Variants in MTRFR observed in about 807,000 individuals in gnomAD.
MTRFR encodes probable peptide chain release factor C12orf65, mitochondrial.
MTRFR carries 10 observed loss-of-function variants against 11.9 expected under a neutral mutation model. The observed-to-expected ratio is 0.84, with a 90% CI of 0.52 to 1.42. MTRFR has a LOEUF of 1.42. Among genes scored for constraint, MTRFR ranks in the 40% most tolerant of loss-of-function variants. The probability of loss-of-function intolerance (pLI) is 0.00; values close to 1 mark genes in which losing one functional copy is unlikely to be tolerated. For missense variants in MTRFR, 196 were observed against 197.9 expected (o/e 0.99, Z 0.06); for synonymous variants, 77 against 79.1 (o/e 0.97, Z 0.14).
intron 1 of MTRFR, among the ~76,000 whole-genome samples, chr12:123,246,709 ATTTTTTTTTTTTTTTTTTT>A (rs1157677577): frequency 9.3e-5 from 5 of 53,516 alleles, no homozygotes; most frequent in South Asian, 8.4e-4. Flanking sequence ...TATAATTTCA[ATTTTTTTTTTTTTTTTTTT>A]TTTTTTTTTT....
intron 1 of MTRFR, among the ~76,000 whole-genome samples, chr12:123,241,164 T>G (rs530695841): frequency 5.4e-4 from 82 of 151,824 alleles, no homozygotes; most frequent in African/African-American, 1.8e-3. Context: ...TTTTGTTTTT[T>G]TTTTAATAAA....
At chr12:123,255,719 G>A (rs950422351) in intron 2 of MTRFR, among the ~76,000 whole-genome samples, 1 of 152,156 alleles carries the variant, frequency 6.6e-6, no homozygotes, top group Admixed American at 6.6e-5. Context: ...CCGCCTCCTG[G>A]GTTCAAGCAA....
At chr12:123,244,433 A>G (rs1303255761) in intron 1 of MTRFR, among the ~76,000 whole-genome samples, 3 of 119,656 alleles carry the variant, frequency 2.5e-5, no homozygotes, top group South Asian at 3.0e-4. Context: ...ACTCCATCTC[A>G]AAACAAAAAA....
chr12:123,235,981 T>A (rs2047844460), intron 1 of MTRFR, among the ~76,000 whole-genome samples: 1 of 151,928 alleles, frequency 6.6e-6, no homozygotes, highest in African/African-American at 2.4e-5. Flanking sequence ...GGAGAATCGC[T>A]GGAACCCGGG....
chr12:123,253,848 T>C lies in MTRFR; in HGVS notation c.174T>C (p.Asn58=). 6.2e-7 allele frequency: 1 copy of C among 1,614,152 alleles called. No individual in the cohort carries two copies. Among genetic ancestry groups the C allele is most frequent in the Non-Finnish European group, 8.5e-7 (1 of 1,180,028 alleles). ...DYPALLSLDE[N]ELEEQFVKGH... ...CTGCACTGCTTTCCTTGGATGAGAATGAACTCGAAGAGCAGTTTGTGAAAG... is the reference window on the plus strand; with the variant it reads ...CTGCACTGCTTTCCTTGGATGAGAACGAACTCGAAGAGCAGTTTGTGAAAG... Residue 58 remains asparagine (N), a synonymous_variant, in exon 2 of 3, where the codon AAT becomes AAC. Transcript: ENST00000253233.
intron 1 of MTRFR, 147 bp from the exon 2 acceptor site, chr12:123,253,500 A>G (rs1428823413): frequency 4.1e-6 from 3 of 740,088 alleles, no homozygotes; most frequent in East Asian, 5.4e-5. Context: ...CTTGCTGAAT[A>G]ATGTGTCTCT....
At chr12:123,247,802 G>A (rs192217585) in intron 1 of MTRFR, among the ~76,000 whole-genome samples, 31 of 152,170 alleles carry the variant, frequency 2.0e-4, no homozygotes, top group South Asian at 8.3e-4. Flanking sequence ...AAAATTAGCC[G>A]GGCGTGGTAG....
intron 2 of MTRFR, 113 bp from the exon 3 acceptor site, chr12:123,256,696 CAATA>C (rs1012635242): frequency 6.2e-5 from 53 of 848,096 alleles, no homozygotes; most frequent in Middle Eastern, 3.3e-4. Context: ...AACTCTGTCT[CAATA>C]AATAAATAAA....
intron 1 of MTRFR, chr12:123,251,620 G>T (rs908513654): frequency 2.0e-5 from 3 of 152,714 alleles, no homozygotes; most frequent in African/African-American, 7.2e-5. Flanking sequence ...CCAGTGGGGG[G>T]GTGTGTGTTC....
intron 1 of MTRFR, chr12:123,248,129 C>T (rs2048067543): frequency 6.6e-6 from 1 of 152,150 alleles, no homozygotes; most frequent in Admixed American, 6.6e-5. Context: ...AGATTTAGAG[C>T]TCCTTTTAGC....
At chr12:123,245,950 A>C (rs2138772728) in intron 1 of MTRFR, among the ~76,000 whole-genome samples, 1 of 152,264 alleles carries the variant, frequency 6.6e-6, no homozygotes, top group South Asian at 2.1e-4. Flanking sequence ...GTTGAAGAGA[A>C]GTGGTGAGAG....
chr12:123,247,613 G>C (rs1008466710), intron 1 of MTRFR, among the ~76,000 whole-genome samples: 5 of 152,180 alleles, frequency 3.3e-5, no homozygotes, highest in African/African-American at 1.2e-4. Flanking sequence ...TATCTTTTAA[G>C]TGGAGCATTT....
chr12:123,243,235 A>ATT (rs35389455), intron 1 of MTRFR, among the ~76,000 whole-genome samples: 24,157 of 147,894 alleles, frequency 0.16, 2,221 homozygotes, highest in Middle Eastern at 0.27. Context: ...TTTTAAAACA[A>ATT]TTTTTTTTTT....
At chr12:123,242,405 T>C (rs2047954400) in intron 1 of MTRFR, among the ~76,000 whole-genome samples, 1 of 152,238 alleles carries the variant, frequency 6.6e-6, no homozygotes, top group Non-Finnish European at 1.5e-5. Flanking sequence ...CAATGAGCTA[T>C]AATTTGAGCT....
intron 1 of MTRFR, among the ~76,000 whole-genome samples, chr12:123,238,952 T>C (rs997270269): frequency 3.3e-5 from 5 of 152,096 alleles, no homozygotes; most frequent in African/African-American, 1.2e-4. Flanking sequence ...GCCTTCATAT[T>C]TAGGGGGAAA....
chr12:123,252,830 C>T (rs964951093), intron 1 of MTRFR, among the ~76,000 whole-genome samples: 1 of 151,722 alleles, frequency 6.6e-6, no homozygotes, highest in African/African-American at 2.4e-5. Context: ...GAGGCTGAGG[C>T]AGGAGAATCA....
chr12:123,254,139 C>T (rs2048153928), intron 2 of MTRFR, 183 bp downstream of exon 2: 1 of 670,178 alleles, frequency 1.5e-6, no homozygotes, highest in Admixed American at 2.9e-5. Context: ...CCATTCCTCC[C>T]TAAGGCAGAA....
intron 2 of MTRFR, chr12:123,254,260 C>CA: frequency 2.6e-6 from 1 of 380,954 alleles, no homozygotes. Flanking sequence ...GCCCCGGAAG[C>CA]AACGTCTTGA....
chr12:123,250,989 T>A (rs1290183035), intron 1 of MTRFR: 1 of 152,194 alleles, frequency 6.6e-6, no homozygotes, highest in African/African-American at 2.4e-5. Flanking sequence ...GAGCTCAGAC[T>A]CTCCTTGGGC....
Sources: allele counts gnomAD v4.1 joint callset (sites outside exome capture counted in the v4.1 genomes callset), GRCh38; gene constraint gnomAD v4.1.1; transcripts MANE v1.5; gene names NCBI Gene and HGNC (gene_info 2026-07-23, HGNC 2026-07-21).